Variants in SEMA4F observed in about 807,000 individuals in gnomAD.
SEMA4F encodes the protein ssemaphorin 4F.
SEMA4F carries 51 observed loss-of-function variants against 78.4 expected under a neutral mutation model. That is an observed-to-expected ratio of 0.65 (90% CI 0.52 to 0.82). The LOEUF (loss-of-function observed/expected upper bound fraction) is 0.82. SEMA4F is among the 40% of genes least tolerant of loss of function. The probability of loss-of-function intolerance (pLI) is 0.00; values close to 1 mark genes in which losing one functional copy is unlikely to be tolerated. For missense variants in SEMA4F, 938 were observed against 1,014.4 expected, an observed-to-expected ratio of 0.92 and a Z score of 1.02; for synonymous variants, 418 against 408.7, an observed-to-expected ratio of 1.02 and a Z score of -0.27.
chr2:74,675,437 A>T (rs1205136727), intron 10 of SEMA4F, 53 bp downstream of exon 10: 15 of 1,593,404 alleles, frequency 9.4e-6, no homozygotes, highest in Middle Eastern at 3.3e-4. Flanking sequence ...CATTCTCGTC[A>T]CAGAGAGGGT....
At chr2:74,679,478 A>G in intron 13 of SEMA4F, 121 bp from the exon 14 acceptor site, 1 of 1,485,936 alleles carries the variant, frequency 6.7e-7, no homozygotes, top group Non-Finnish European at 9.2e-7. Flanking sequence ...CTCTTTAGGA[A>G]TCCCCTTTTT....
Position 74,662,018 on chromosome 2 carries a change from C to T in SEMA4F, c.457-714C>T, listed in dbSNP as rs562108828. 2.6e-5 allele frequency among the ~76,000 whole-genome samples: 4 copies of T among 152,338 alleles called. No homozygotes were observed. In the East Asian group the frequency reaches 7.7e-4, roughly 29 times the overall value. ...GCCAAATGCTAGACTAAGGTAACTT[C>T]TGGCTGGCCCTGATGAAGCTCTTAC... On this transcript the variant is annotated intron_variant, in intron 4 of 13. Transcript: ENST00000357877.
At chr2:74,656,486 G>A in intron 1 of SEMA4F, 48 bp from the exon 2 acceptor site, 2 of 1,589,898 alleles carry the variant, frequency 1.3e-6, no homozygotes, top group Non-Finnish European at 1.7e-6. Context: ...TTGTGGACTT[G>A]ACCCTTAGGA....
In SEMA4F at chr2:74,679,873, G is replaced by C. The variant is rs565664464; in HGVS notation, c.1977G>C (p.Val659=). 5.6e-6 allele frequency: 9 copies of C among 1,614,088 alleles called. No individual in the cohort carries two copies. The highest frequency in any genetic ancestry group is 6.8e-6 in the Non-Finnish European group (8 of 1,180,046). The change falls in exon 14 of 14, where the codon GTG becomes GTC. Residue 659 remains valine, a synonymous_variant. Transcript: ENST00000357877. ...ATGCTCCGAGCCGGGCCCACACAGT[G>C]GGGGCGGGACTGGCTGGCTTCTTCT... ...QRDAPSRAHT[V]GAGLAGFFLG...
At chr2:74,667,497 A>G (rs1029598955) in intron 5 of SEMA4F, among the ~76,000 whole-genome samples, 1 of 152,174 alleles carries the variant, frequency 6.6e-6, no homozygotes, top group Non-Finnish European at 1.5e-5. Context: ...CCAGTATGAT[A>G]TATATATTTT....
intron 4 of SEMA4F, among the ~76,000 whole-genome samples, chr2:74,661,656 G>C (rs79002698): frequency 0.052 from 7,953 of 152,218 alleles, 685 homozygotes; most frequent in African/African-American, 0.18. Flanking sequence ...CCAGCATTCC[G>C]TTTTTGGGGA....
intron 5 of SEMA4F, among the ~76,000 whole-genome samples, chr2:74,669,890 T>G (rs1409125920): frequency 1.3e-5 from 2 of 151,606 alleles, no homozygotes; most frequent in South Asian, 2.1e-4. Flanking sequence ...AATATCTTAG[T>G]TTTTTTTGCA....
intron 5 of SEMA4F, among the ~76,000 whole-genome samples, chr2:74,671,240 A>G (rs1204529228): frequency 6.6e-6 from 1 of 152,198 alleles, no homozygotes; most frequent in East Asian, 1.9e-4. Flanking sequence ...ACCCCAAAAG[A>G]AGGCTTTCAG....
Position 74,679,769 on chromosome 2 carries a change from G to T in SEMA4F, c.1873G>T (p.Ala625Ser). ...GGTGGTGACCCCAGGGGCCATGGGC[G>T]CTTATGCCTGTGAATGTCAGGAGGG... ...EVVVTPGAMG[A>S]YACECQEGGA... Residue 625 changes from alanine (A) to serine (S), a missense_variant, in exon 14 of 14, where the codon GCT becomes TCT. Physicochemically the swap from Ala to Ser is moderately conservative, Grantham distance 99. Transcript: ENST00000357877. 1 of 1,614,210 alleles carries T rather than the reference G, an allele frequency of 6.2e-7. No individual in the cohort carries two copies. Among genetic ancestry groups the T allele is most frequent in the Non-Finnish European group, 8.5e-7 (1 of 1,180,044 alleles).
Position 74,673,684 on chromosome 2 carries a change from C to G in SEMA4F, c.678C>G (p.Ala226=). 1.2e-6 allele frequency: 2 copies of G among 1,613,852 alleles called. No homozygotes were observed. The highest frequency in any genetic ancestry group is 1.7e-6 in the Non-Finnish European group (2 of 1,179,852). Residue 226 remains alanine (A), a synonymous_variant, in exon 7 of 14, where the codon GCC becomes GCG. Transcript: ENST00000357877. The stretch of plus-strand genomic sequence containing the variant: ...GGCCACTGGTATTCCCAGCCCCAGC[C>G]TTTGTCGCAGCCGTGGCCTTGAGCC... ...DTLPSWLNAP[A]FVAAVALSPA...
chr2:74,671,179 A>G (rs995746164), intron 5 of SEMA4F, among the ~76,000 whole-genome samples: 1 of 152,168 alleles, frequency 6.6e-6, no homozygotes, highest in Non-Finnish European at 1.5e-5. Flanking sequence ...TGGCTCCCAA[A>G]CACTTGGATT....
the SEMA4F span, among the ~76,000 whole-genome samples, chr2:74,707,654 C>G: frequency 7.2e-5 from 11 of 152,108 alleles, no homozygotes; most frequent in African/African-American, 2.7e-4. Flanking sequence ...ACATGGACAT[C>G]AGGTGACAAA....
In SEMA4F at chr2:74,680,205, T is replaced by C; in HGVS notation, c.2309T>C (p.Ile770Thr). 1 of 1,563,358 alleles carries C rather than the reference T, an allele frequency of 6.4e-7. No individual in the cohort carries two copies. The highest frequency in any genetic ancestry group is 8.7e-7 in the Non-Finnish European group (1 of 1,150,258). ...APLATCDETS[I>T] is the part of the protein sequence containing the mutation. The stretch of plus-strand genomic sequence containing the variant: ...CTAGCCACATGTGATGAAACATCCA[T>C]CTAGAGCTGGGCAAATGACCACTAG... The change falls in exon 14 of 14, where the codon ATC (isoleucine) becomes ACC (threonine). Residue 770 changes from isoleucine to threonine, a missense_variant. Transcript: ENST00000357877.
the SEMA4F span, among the ~76,000 whole-genome samples, chr2:74,691,962 G>C: frequency 3.3e-3 from 507 of 152,298 alleles, 3 homozygotes; most frequent in African/African-American, 0.011. Context: ...CCTGTCGGGG[G>C]TAACAGTGTC....
At chr2:74,677,410 C>T (rs1473685291) in intron 12 of SEMA4F, among the ~76,000 whole-genome samples, 3 of 152,136 alleles carry the variant, frequency 2.0e-5, no homozygotes, top group African/African-American at 7.2e-5. Context: ...ATCTTTCTGT[C>T]CGTATCTCTA....
At chr2:74,660,919 T>C (rs1206548148) in intron 4 of SEMA4F, among the ~76,000 whole-genome samples, 2 of 152,184 alleles carry the variant, frequency 1.3e-5, no homozygotes, top group Non-Finnish European at 2.9e-5. Context: ...AATATCTGGC[T>C]GGAAAGAATG....
rs765846200 is a variant in SEMA4F, at chr2:74,657,634, A to C, written c.357+10A>C. ...GAAAGGCAAGAAAGAGGTAGGTGTA[A>C]ATCTGAGCCCTGTCTTGAGTGTCAG... On this transcript the variant is annotated intron_variant, in intron 3 of 13. Transcript: ENST00000357877. The C allele has an allele frequency of 1.2e-6, 2 of 1,613,890 alleles. No homozygotes were observed. The highest frequency in any genetic ancestry group is 1.7e-6 in the Non-Finnish European group (2 of 1,179,792).
intron 5 of SEMA4F, among the ~76,000 whole-genome samples, chr2:74,664,563 G>T (rs775711749): frequency 4.6e-5 from 7 of 152,104 alleles, no homozygotes; most frequent in Non-Finnish European, 1.0e-4. Context: ...TCTAGAAAGG[G>T]TATACCAATT....
intron 4 of SEMA4F, among the ~76,000 whole-genome samples, chr2:74,661,892 T>A (rs1373454207): frequency 6.6e-6 from 1 of 152,206 alleles, no homozygotes; most frequent in Non-Finnish European, 1.5e-5. Flanking sequence ...GGCATTTCCG[T>A]GCCATAACTT....
Sources: allele counts gnomAD v4.1 joint callset (sites outside exome capture counted in the v4.1 genomes callset), GRCh38; gene constraint gnomAD v4.1.1; transcripts MANE v1.5; gene names NCBI Gene and HGNC (gene_info 2026-07-23, HGNC 2026-07-21).